LRRIQ1: variants seen among roughly 807,000 people sequenced by gnomAD.
The protein encoded by LRRIQ1 is leucine rich repeats and IQ motif containing 1.
LRRIQ1 carries 210 observed loss-of-function variants against 211.9 expected under a neutral mutation model. The observed-to-expected ratio is 0.99, with a 90% CI of 0.89 to 1.11. The LOEUF is 1.11. Among genes scored for constraint, LRRIQ1 ranks in the 50% most tolerant of loss-of-function variants. LRRIQ1 has a pLI of 0.00. For missense variants in LRRIQ1, 2,136 were observed against 1,939.5 expected (o/e 1.10, Z -1.90); for synonymous variants, 699 against 650.1 (o/e 1.08, Z -1.14).
chr12:85,111,948 A>ACG (rs1240346789), intron 15 of LRRIQ1, among the ~76,000 whole-genome samples: 1 of 144,170 alleles, frequency 6.9e-6, no homozygotes, highest in Non-Finnish European at 1.5e-5. Flanking sequence ...ATATATATAC[A>ACG]CACACACACA....
chr12:85,271,642 A>G, the LRRIQ1 span, among the ~76,000 whole-genome samples: 1 of 151,994 alleles, frequency 6.6e-6, no homozygotes, highest in Admixed American at 6.5e-5. Flanking sequence ...TGACTGCTTC[A>G]TTTCTGTTAA....
At chr12:85,144,653 A>G (rs1052750355) in intron 19 of LRRIQ1, among the ~76,000 whole-genome samples, 4 of 151,766 alleles carry the variant, frequency 2.6e-5, no homozygotes, top group Admixed American at 2.6e-4. Context: ...AAAGGAGAAA[A>G]AATAGAGAAG....
intron 12 of LRRIQ1, 112 bp downstream of exon 12, chr12:85,098,660 C>A: frequency 5.7e-6 from 5 of 878,428 alleles, no homozygotes; most frequent in Non-Finnish European, 6.8e-6. Context: ...TCATTTTTCA[C>A]CATGAAGTAA....
chr12:85,189,384 T>C (rs1378809086), intron 24 of LRRIQ1, among the ~76,000 whole-genome samples: 2 of 152,100 alleles, frequency 1.3e-5, no homozygotes, highest in East Asian at 1.9e-4. Context: ...GATGTCTGTA[T>C]TCTTGCCACA....
intron 18 of LRRIQ1, among the ~76,000 whole-genome samples, chr12:85,135,547 G>A (rs1219212083): frequency 1.3e-5 from 2 of 151,638 alleles, no homozygotes; most frequent in African/African-American, 4.8e-5. Flanking sequence ...TTATCCTAAG[G>A]TACAGTTCAA....
chr12:85,165,297 T>C (rs372038033), intron 24 of LRRIQ1, among the ~76,000 whole-genome samples: 54 of 151,880 alleles, frequency 3.6e-4, no homozygotes, highest in African/African-American at 1.3e-3. Context: ...CCTCCCTCTC[T>C]CCCCACTCTA....
At chr12:85,156,842 G>C (rs1485992742) in intron 23 of LRRIQ1, among the ~76,000 whole-genome samples, 5 of 151,674 alleles carry the variant, frequency 3.3e-5, no homozygotes, top group African/African-American at 7.3e-5. Flanking sequence ...GGGTGTCAGA[G>C]AATACAAACA....
intron 11 of LRRIQ1, among the ~76,000 whole-genome samples, chr12:85,088,595 A>G (rs1436057060): frequency 3.3e-5 from 5 of 152,142 alleles, no homozygotes; most frequent in Non-Finnish European, 7.4e-5. Context: ...ATGTTTTTCC[A>G]TTTGTTTGTG....
chr12:85,123,379 G>T (rs1273185485), intron 16 of LRRIQ1, among the ~76,000 whole-genome samples: 1 of 151,866 alleles, frequency 6.6e-6, no homozygotes, highest in Non-Finnish European at 1.5e-5. Context: ...TTTTAGACAT[G>T]AAATAAAAAT....
At chr12:85,226,515 A>AT (rs1229592315) in intron 24 of LRRIQ1, among the ~76,000 whole-genome samples, 2 of 132,942 alleles carry the variant, frequency 1.5e-5, no homozygotes, top group African/African-American at 5.6e-5. Context: ...TTGTATAATT[A>AT]TTTTTTTTCT....
intron 17 of LRRIQ1, among the ~76,000 whole-genome samples, chr12:85,127,492 T>A (rs1050342766): frequency 3.3e-5 from 5 of 152,124 alleles, no homozygotes; most frequent in Non-Finnish European, 5.9e-5. Context: ...GCTCCTACAT[T>A]TGTCCTCTCT....
At position 85,138,058 on chromosome 12, in the gene LRRIQ1, C is replaced by A. The variant is rs899489085; in HGVS notation, c.4329+89C>A. On this transcript the variant is annotated intron_variant, in intron 19 of 26. Transcript: ENST00000393217. Reference sequence around the variant, plus strand: ...ATAAACCAGTTTCTAAGGTGTTTATCCTATTAATATTGTTACAGACTTTTT... The same window carrying A: ...ATAAACCAGTTTCTAAGGTGTTTATACTATTAATATTGTTACAGACTTTTT... 3.8e-6 allele frequency: 3 copies of A among 787,732 alleles called. No individual in the cohort carries two copies. The East Asian group carries it at 8.4e-5, about 22-fold the overall frequency. 48.8% of individuals were successfully genotyped at this position (787,732 alleles called of 1,614,324 possible). A position where few individuals can be genotyped will look rare whatever the true frequency, so the allele number is the denominator to read the frequency against.
chr12:85,152,140 A>G, intron 19 of LRRIQ1, 140 bp from the exon 20 acceptor site: 1 of 628,612 alleles, frequency 1.6e-6, no homozygotes, highest in Non-Finnish European at 2.6e-6. Context: ...ATATCATCTC[A>G]CAATAGTAAG....
At chr12:85,094,980 C>A (rs563074266) in intron 11 of LRRIQ1, among the ~76,000 whole-genome samples, 1 of 152,240 alleles carries the variant, frequency 6.6e-6, no homozygotes, top group African/African-American at 2.4e-5. Context: ...TATCCTGAAA[C>A]TTTACTGAAG....
downstream of LRRIQ1, among the ~76,000 whole-genome samples, chr12:85,247,940 A>C (rs544787953): frequency 1.3e-5 from 2 of 151,804 alleles, no homozygotes; most frequent in Admixed American, 6.6e-5. Flanking sequence ...GTCTTCTGCT[A>C]TCTAAATTTC....
intron 24 of LRRIQ1, among the ~76,000 whole-genome samples, chr12:85,215,838 A>G (rs946052621): frequency 6.6e-6 from 1 of 152,218 alleles, no homozygotes; most frequent in Non-Finnish European, 1.5e-5. Flanking sequence ...GATACATTTT[A>G]CAAACAATAT....
At chr12:85,197,720 C>G (rs1374663730) in intron 24 of LRRIQ1, among the ~76,000 whole-genome samples, 1 of 151,160 alleles carries the variant, frequency 6.6e-6, no homozygotes, top group Admixed American at 6.7e-5. Context: ...GGAGATATAC[C>G]TAATGCTAGA....
At chr12:85,042,144 G>C (rs142473074) in intron 3 of LRRIQ1, among the ~76,000 whole-genome samples, 6 of 151,640 alleles carry the variant, frequency 4.0e-5, no homozygotes, top group Non-Finnish European at 8.9e-5. Flanking sequence ...AAAAATCAAG[G>C]AAAACACAAT....
chr12:85,240,440 A>G (rs1055737832), intron 26 of LRRIQ1, among the ~76,000 whole-genome samples: 3 of 152,174 alleles, frequency 2.0e-5, no homozygotes, highest in Non-Finnish European at 1.5e-5. Context: ...CAGAAGCTTT[A>G]TAAGCTTCTT....
Sources: gnomAD v4.1 joint callset for allele counts (sites outside exome capture counted in the v4.1 genomes callset) on GRCh38, gnomAD v4.1.1 for gene constraint, MANE v1.5 for transcripts, NCBI Gene and HGNC (gene_info 2026-07-23, HGNC 2026-07-21) for gene names.